The following CPXM2 variants were observed in gnomAD, a reference collection of about 807,000 sequenced individuals.
The protein encoded by CPXM2 is inactive carboxypeptidase-like protein X2.
Under a neutral mutation model 86.1 loss-of-function variants are expected in CPXM2, and 66 were observed. The ratio of observed to expected loss-of-function variants is 0.77; its 90% confidence interval spans 0.63 to 0.94. CPXM2 has a LOEUF of 0.94. Ranked by LOEUF, CPXM2 falls within the 40% of genes least tolerant of loss-of-function variation. The pLI is 0.00. For missense variants in CPXM2, 948 were observed against 1,026.3 expected (o/e 0.92, Z 1.04); for synonymous variants, 388 against 400.2 (o/e 0.97, Z 0.36).
chr10:123,835,181 C>A (rs754335182), intron 4 of CPXM2, among the ~76,000 whole-genome samples: 6 of 152,144 alleles, frequency 3.9e-5, no homozygotes, highest in Non-Finnish European at 8.8e-5. Context: ...AAGGGGGCCT[C>A]CCCATGAAAA....
intron 2 of CPXM2, among the ~76,000 whole-genome samples, chr10:123,875,683 C>T (rs1944970614): frequency 6.6e-6 from 1 of 152,146 alleles, no homozygotes; most frequent in African/African-American, 2.4e-5. Context: ...CTGATTGAGG[C>T]CTCAAACTTC....
chr10:123,874,016 CG>C (rs962209816), intron 2 of CPXM2, among the ~76,000 whole-genome samples: 1 of 151,860 alleles, frequency 6.6e-6, no homozygotes, highest in Admixed American at 6.6e-5. Flanking sequence ...TGCATCACCA[CG>C]CCAGGGTAAT....
intron 13 of CPXM2, among the ~76,000 whole-genome samples, chr10:123,747,388 C>T (rs1019768137): frequency 2.0e-5 from 3 of 152,182 alleles, no homozygotes; most frequent in Non-Finnish European, 4.4e-5. Context: ...AGTGCAGGGC[C>T]TCCTGGCTTC....
intron 7 of CPXM2, among the ~76,000 whole-genome samples, chr10:123,773,480 C>G (rs1846705083): frequency 6.6e-6 from 1 of 152,210 alleles, no homozygotes; most frequent in Admixed American, 6.5e-5. Flanking sequence ...CTTTATTGCC[C>G]ACTCACTACA....
At chr10:123,767,198 C>T (rs964867008) in intron 9 of CPXM2, 46 bp from the exon 10 acceptor site, 8 of 1,552,870 alleles carry the variant, frequency 5.2e-6, no homozygotes, top group South Asian at 3.4e-5. Flanking sequence ...TGCAGGACAA[C>T]GCGGACCCTC....
chr10:123,801,735 C>T (rs1847464378), intron 4 of CPXM2, among the ~76,000 whole-genome samples: 1 of 152,198 alleles, frequency 6.6e-6, no homozygotes, highest in Admixed American at 6.5e-5. Flanking sequence ...GAGACCCTTG[C>T]TTGCCTTGCG....
At chr10:123,854,398 T>G (rs1225275866) in intron 3 of CPXM2, among the ~76,000 whole-genome samples, 13 of 120,158 alleles carry the variant, frequency 1.1e-4, no homozygotes, top group Admixed American at 9.7e-4. Context: ...ATATATATTA[T>G]ATATATATTA....
At chr10:123,898,894 A>AC (rs1945359704) in intron 2 of CPXM2, among the ~76,000 whole-genome samples, 1 of 152,124 alleles carries the variant, frequency 6.6e-6, no homozygotes, top group South Asian at 2.1e-4. Flanking sequence ...ATAGGCATGC[A>AC]CCACCATGCC....
rs572620014 is a variant in CPXM2, at chr10:123,785,824, A to G, written c.890-5569T>C. On this transcript the variant is annotated intron_variant, in intron 6 of 13. Transcript: ENST00000241305. ...AATTTTTTGTATTTTTAGTAGAGAC[A>G]GGGTTTCACAGTGTTAGCCAGGATG... Among the ~76,000 whole-genome samples the G allele has an allele frequency of 2.8e-4, 43 of 151,940 alleles. No individual in the cohort carries two copies. In the South Asian group the frequency reaches 7.9e-3, roughly 28 times the overall value.
chr10:123,774,827 G>C (rs1846742572), intron 7 of CPXM2, among the ~76,000 whole-genome samples: 3 of 152,228 alleles, frequency 2.0e-5, no homozygotes, highest in African/African-American at 4.8e-5. Flanking sequence ...AGCTTCTACA[G>C]CCATCACCAT....
chr10:123,904,912 A>ATCTGCATCCTGTGCCCTCCCCTC (rs1184917723), intron 2 of CPXM2, among the ~76,000 whole-genome samples: 11 of 131,734 alleles, frequency 8.4e-5, no homozygotes, highest in Non-Finnish European at 1.4e-4. Context: ...GCTCTGCATC[A>ATCTGCATCCTGTGCCCTCCCCTC]CACCTGCATC....
intron 1 of CPXM2, among the ~76,000 whole-genome samples, chr10:123,883,002 C>T (rs896683061): frequency 4.0e-5 from 6 of 151,280 alleles, no homozygotes; most frequent in Admixed American, 1.3e-4. Flanking sequence ...ACAGCCTGGA[C>T]TGCCCGCAAT....
intron 4 of CPXM2, among the ~76,000 whole-genome samples, chr10:123,811,663 G>C (rs1318478477): frequency 6.6e-6 from 1 of 152,172 alleles, no homozygotes; most frequent in Non-Finnish European, 1.5e-5. Flanking sequence ...ATTCTAAGCT[G>C]AGAGAATCTA....
chr10:123,794,090 T>G (rs925108072), intron 6 of CPXM2, among the ~76,000 whole-genome samples: 3 of 152,232 alleles, frequency 2.0e-5, no homozygotes, highest in African/African-American at 7.2e-5. Flanking sequence ...TCACCTGCTC[T>G]TGGCCGACTT....
chr10:123,765,860 G>A (rs1358968666), intron 10 of CPXM2, among the ~76,000 whole-genome samples: 1 of 152,216 alleles, frequency 6.6e-6, no homozygotes, highest in Non-Finnish European at 1.5e-5. Flanking sequence ...GAACGCCAAG[G>A]GAGAGCAGCT....
chr10:123,893,889 G>A (rs151184955), upstream of CPXM2, among the ~76,000 whole-genome samples: 104 of 152,288 alleles, frequency 6.8e-4, 1 homozygote, highest in East Asian at 0.018. Flanking sequence ...AGGCCAGGAC[G>A]GTGCCCTGCA....
At chr10:123,881,240 T>C (rs144752619) in intron 1 of CPXM2, among the ~76,000 whole-genome samples, 4,314 of 44,648 alleles carry the variant, frequency 0.097, 905 homozygotes, top group African/African-American at 0.21. Flanking sequence ...TCTCTTCCCT[T>C]CCCTTCCCTT....
intron 2 of CPXM2, among the ~76,000 whole-genome samples, chr10:123,878,702 T>C (rs140177295): frequency 6.6e-6 from 1 of 152,096 alleles, no homozygotes; most frequent in African/African-American, 2.4e-5. Flanking sequence ...ACTTAAAAAT[T>C]AACAAGGCAG....
intron 2 of CPXM2, among the ~76,000 whole-genome samples, chr10:123,925,409 C>T (rs910239520): frequency 5.9e-5 from 9 of 152,226 alleles, no homozygotes; most frequent in Admixed American, 3.9e-4. Context: ...CCTTTGTCAG[C>T]CTTTGCTAAA....
Sources: allele counts gnomAD v4.1 joint callset (sites outside exome capture counted in the v4.1 genomes callset), GRCh38; gene constraint gnomAD v4.1.1; transcripts MANE v1.5; gene names NCBI Gene and HGNC (gene_info 2026-07-23, HGNC 2026-07-21).